The following URB2 variants were observed in gnomAD, a reference collection of about 807,000 sequenced individuals.
URB2 encodes the protein unhealthy ribosome biogenesis protein 2 homolog.
URB2 carries 86 observed loss-of-function variants against 120.9 expected under a neutral mutation model. The ratio of observed to expected loss-of-function variants is 0.71; its 90% CI spans 0.60 to 0.85. URB2 has a LOEUF of 0.85. Ranked by LOEUF, URB2 falls within the 40% of genes least tolerant of loss-of-function variation. The probability of loss-of-function intolerance (pLI) is 0.00; values close to 1 mark genes in which losing one functional copy is unlikely to be tolerated. For missense variants in URB2, 1,765 were observed against 1,836.5 expected, an observed-to-expected ratio of 0.96 and a Z score of 0.71; for synonymous variants, 755 against 758.4, an observed-to-expected ratio of 1.00 and a Z score of 0.07.
At chr1:229,634,126 C>T (rs1386536886) in intron 3 of URB2, among the ~76,000 whole-genome samples, 1 of 152,092 alleles carries the variant, frequency 6.6e-6, no homozygotes, top group African/African-American at 2.4e-5. Flanking sequence ...AGCCACCATG[C>T]CCAGCTGCTT....
chr1:229,636,652 A>G lies in URB2; in HGVS notation c.2039A>G (p.Gln680Arg), dbSNP rs1665837408. 3 of 1,614,148 alleles carry G rather than the reference A, an allele frequency of 1.9e-6. No individual in the cohort carries two copies. In the African/African-American group the frequency reaches 4.0e-5, roughly 22 times the overall value. ...TATTGCTTAGAACAGCTGTACCTGC[A>G]GAAAATGAAAAGGACTTTAATGCAA... ...GTYCLEQLYL[Q>R]KMKRTLMQTS... The change falls in exon 4 of 10, where the codon CAG becomes CGG. Residue 680 changes from glutamine to arginine, a missense_variant. Transcript: ENST00000258243.
Position 229,646,994 on chromosome 1 carries a change from G to A in URB2, c.3907-516G>A, listed in dbSNP as rs115068249. Among the ~76,000 whole-genome samples the A allele has an allele frequency of 3.8e-3, 580 of 152,300 alleles. 4 individuals are homozygous for A. The highest frequency in any genetic ancestry group is 0.013 in the African/African-American group (551 of 41,560). ...GTGTTGGTGGATGGCAGGGGTCATC[G>A]TCACCGAGCATGTGTGGTGAGCATC... On this transcript the variant is annotated intron_variant, in intron 6 of 9. Transcript: ENST00000258243.
At position 229,636,468 on chromosome 1, in the gene URB2, A is replaced by C. The variant is rs555951507; in HGVS notation, c.1855A>C (p.Met619Leu). The change falls in exon 4 of 10, where the codon ATG becomes CTG. Residue 619 changes from methionine to leucine, a missense_variant. By Grantham distance (15) the Met-to-Leu change is conservative (BLOSUM62 2). Coordinates refer to ENST00000258243, the MANE Select transcript of URB2 (RefSeq NM_014777.4). ...TTACACTTGGGCCCAGGTGGACGCT[A>C]TGTTCAGTTTGAACTGTAGCCAGTA... is the stretch of plus-strand genomic sequence containing the variant. ...LSYTWAQVDA[M>L]FSLNCSQYHS... 3 of 1,614,196 alleles carry C rather than the reference A, an allele frequency of 1.9e-6. No individual in the cohort carries two copies. The highest frequency in any genetic ancestry group is 1.7e-5 in the Admixed American group (1 of 60,024).
At position 229,651,339 on chromosome 1, in the gene URB2, T is replaced by C. The variant is rs750409698; in HGVS notation, c.4237+17T>C. ...AGGACAAAGGTAATTTGGAGTAACA[T>C]CAGACACAGTTTCAAATATATTCAT... is the stretch of plus-strand genomic sequence containing the variant. On this transcript the variant is annotated intron_variant, in intron 8 of 9. Coordinates refer to ENST00000258243, the MANE Select transcript of URB2 (RefSeq NM_014777.4). 2.4e-5 allele frequency: 39 copies of C among 1,603,190 alleles called. No homozygotes were observed. The highest frequency in any genetic ancestry group is 1.7e-4 in the Middle Eastern group (1 of 6,040).
rs964500717 is a variant in URB2 at position 229,639,361 on chromosome 1, G to A, written c.3634+1114G>A. Among the ~76,000 whole-genome samples, 3 of 144,528 alleles carry A rather than the reference G, an allele frequency of 2.1e-5. No homozygotes were observed. In the East Asian group the frequency reaches 6.2e-4, roughly 30 times the overall value. The allele number at this position is 144,528 out of a possible 152,430, so 94.8% of individuals were successfully genotyped here. A position where few individuals can be genotyped will look rare whatever the true frequency, so the allele number is the denominator to read the frequency against. ...CTTTTTTTTTTTTTTTTGAGATGGA[G>A]TCTCACTCTGTCTACCAGGATGGAG... On this transcript the variant is annotated intron_variant, in intron 4 of 9. Coordinates refer to ENST00000258243, the MANE Select transcript of URB2 (RefSeq NM_014777.4).
chr1:229,645,465 G>T (rs555718499), intron 5 of URB2, among the ~76,000 whole-genome samples: 1 of 152,006 alleles, frequency 6.6e-6, no homozygotes. Flanking sequence ...ATCTGTAAGC[G>T]TGCATCGTTG....
At chr1:229,639,970 T>A (rs1665961342) in intron 4 of URB2, among the ~76,000 whole-genome samples, 1 of 152,170 alleles carries the variant, frequency 6.6e-6, no homozygotes, top group African/African-American at 2.4e-5. Flanking sequence ...GGGCTAGAAA[T>A]ATCTAGAAAA....
intron 3 of URB2, among the ~76,000 whole-genome samples, chr1:229,633,950 G>GC (rs1425359212): frequency 6.6e-6 from 1 of 151,944 alleles, no homozygotes; most frequent in East Asian, 1.9e-4. Flanking sequence ...TTGTGCCTCA[G>GC]CCTCCCGAGT....
chr1:229,649,917 A>G (rs1666227858), intron 7 of URB2, among the ~76,000 whole-genome samples: 1 of 152,208 alleles, frequency 6.6e-6, no homozygotes, highest in African/African-American at 2.4e-5. Context: ...GTGAACCCAG[A>G]TAGTTCCAAA....
intron 9 of URB2, among the ~76,000 whole-genome samples, chr1:229,657,192 G>C (rs1367368107): frequency 6.6e-6 from 1 of 152,202 alleles, no homozygotes; most frequent in Non-Finnish European, 1.5e-5. Context: ...GCTACTTAGT[G>C]ATGTTTTCAT....
rs193921013 is a variant in URB2, at chr1:229,635,985, C to G, written c.1372C>G (p.Gln458Glu). Residue 458 changes from glutamine (Q) to glutamate (E), a missense_variant, in exon 4 of 10, where the codon CAG becomes GAG. Transcript: ENST00000258243. ...GGAGGCGCTTATTCGTACTGTCTTC[C>G]AGACTTATGCCAAACTCCGACAAGT... Reference protein sequence around the residue: ...AQEALIRTVFQTYAKLRQVPR... With the variant: ...AQEALIRTVFETYAKLRQVPR... 1 of 1,614,040 alleles carries G rather than the reference C, an allele frequency of 6.2e-7. No individual in the cohort carries two copies. Among genetic ancestry groups the G allele is most frequent in the South Asian group, 1.1e-5 (1 of 91,084 alleles).
Position 229,635,643 on chromosome 1 carries a change from C to T in URB2, c.1030C>T (p.Gln344Ter). 6.2e-7 allele frequency: 1 copy of T among 1,614,106 alleles called. No homozygotes were observed. The highest frequency in any genetic ancestry group is 1.1e-5 in the South Asian group (1 of 91,080). Reference protein sequence around the residue: ...CLKISHLQEEQSKALSTSDWT... With the variant: ...CLKISHLQEE ...GAAGATTTCACACCTGCAGGAGGAG[C>T]AGAGCAAAGCCCTGTCCACATCAGA... The change falls in exon 4 of 10, where the codon CAG (glutamine) becomes TAG (stop). Residue 344 changes from glutamine to a stop codon, truncating the protein, a stop_gained. Transcript: ENST00000258243. LOFTEE classifies it high-confidence loss of function.
chr1:229,647,711 C>A lies in URB2; in HGVS notation c.4108C>A (p.Leu1370Met). The A allele has an allele frequency of 6.2e-7, 1 of 1,614,094 alleles. No homozygotes were observed. The highest frequency in any genetic ancestry group is 8.5e-7 in the Non-Finnish European group (1 of 1,180,026). Residue 1370 changes from leucine to methionine, a missense_variant, in exon 7 of 10, where the codon CTG (leucine) becomes ATG (methionine). Transcript: ENST00000258243. ...GGAGTATGGAAGCGTCTTCCCGAGGCTGCACAACGTGCTCTTCTCAATCCT... is the reference window on the plus strand; with the variant it reads ...GGAGTATGGAAGCGTCTTCCCGAGGATGCACAACGTGCTCTTCTCAATCCT... ...PLEYGSVFPR[L>M]HNVLFSILQC...
rs760914797 is a variant in URB2, at chr1:229,627,717, T to C, written c.84T>C (p.Phe28=). 2 of 1,613,038 alleles carry C rather than the reference T, an allele frequency of 1.2e-6. No individual in the cohort carries two copies. Among genetic ancestry groups the C allele is most frequent in the Non-Finnish European group, 1.7e-6 (2 of 1,179,424 alleles). The change falls in exon 2 of 10, where the codon TTT becomes TTC. Residue 28 remains phenylalanine, a synonymous_variant. Transcript: ENST00000258243. The stretch of plus-strand genomic sequence containing the variant: ...AAGATAAACTAAAACTAGCTCACTT[T>C]GCTTGGATTTCTCACCAGTGCTTTC... ...SWEDKLKLAH[F]AWISHQCFLP...
At chr1:229,651,085 C>T (rs1355039747) in intron 7 of URB2, 150 bp from the exon 8 acceptor site, 8 of 543,836 alleles carry the variant, frequency 1.5e-5, no homozygotes, top group Admixed American at 4.0e-5. Context: ...CATGTCCAGG[C>T]GAAAGGATGT....
chr1:229,630,274 T>C (rs1415437128), intron 2 of URB2, among the ~76,000 whole-genome samples: 1 of 152,364 alleles, frequency 6.6e-6, no homozygotes, highest in East Asian at 1.9e-4. Flanking sequence ...AATGTGTTTC[T>C]TAAATAATAA....
At position 229,635,275 on chromosome 1, in the gene URB2, G is replaced by C; in HGVS notation, c.662G>C (p.Gly221Ala). 1 of 1,614,208 alleles carries C rather than the reference G, an allele frequency of 6.2e-7. No individual in the cohort carries two copies. The highest frequency in any genetic ancestry group is 8.5e-7 in the Non-Finnish European group (1 of 1,180,044). ...LLSGGTWTQA[G>A]QGQLRQVLSR... The stretch of plus-strand genomic sequence containing the variant: ...TCTGGGGGCACATGGACGCAGGCTG[G>C]CCAGGGCCAGCTGAGGCAGGTGCTG... Residue 221 changes from glycine to alanine, a missense_variant, in exon 4 of 10, where the codon GGC becomes GCC. Physicochemically the swap from Gly to Ala is moderately conservative, Grantham distance 60. Transcript: ENST00000258243.
chr1:229,651,726 C>T (rs1412217845), intron 8 of URB2, among the ~76,000 whole-genome samples: 2 of 152,166 alleles, frequency 1.3e-5, no homozygotes, highest in Non-Finnish European at 2.9e-5. Flanking sequence ...GGATAAGGTC[C>T]TGCCGCTCAC....
chr1:229,630,982 C>CAA (rs57940336), intron 2 of URB2, among the ~76,000 whole-genome samples: 1,494 of 63,906 alleles, frequency 0.023, 45 homozygotes, highest in Non-Finnish European at 0.027. Flanking sequence ...AACTCCGTCT[C>CAA]AAAAAAAAAA....
Sources: gnomAD v4.1 joint callset for allele counts (sites outside exome capture counted in the v4.1 genomes callset) on GRCh38, gnomAD v4.1.1 for gene constraint, MANE v1.5 for transcripts, NCBI Gene and HGNC (gene_info 2026-07-23, HGNC 2026-07-21) for gene names.